The following RNGTT variants were observed in gnomAD, a reference collection of about 807,000 sequenced individuals.
RNGTT encodes the protein RNA guanylyltransferase and 5'-phosphatase, also known as mRNA-capping enzyme.
In RNGTT, 33 loss-of-function variants were observed where a neutral mutation model predicts 79.3. The ratio of observed to expected loss-of-function variants is 0.42; its 90% CI spans 0.32 to 0.56. RNGTT has a LOEUF of 0.56. RNGTT is among the 20% of genes least tolerant of loss of function. The pLI is 0.17. For missense variants in RNGTT, 497 were observed against 739.1 expected, an observed-to-expected ratio of 0.67 and a Z score of 3.80; for synonymous variants, 222 against 235.9, an observed-to-expected ratio of 0.94 and a Z score of 0.54.
chr6:88,674,669 A>G lies in RNGTT; in HGVS notation c.1506+3684T>C, dbSNP rs149585357. Among the ~76,000 whole-genome samples the G allele has an allele frequency of 2.0e-3, 311 of 152,312 alleles. 2 individuals are homozygous for G. Among genetic ancestry groups the G allele is most frequent in the African/African-American group, 7.3e-3 (304 of 41,548 alleles). On this transcript the variant is annotated intron_variant, in intron 14 of 15. Coordinates refer to ENST00000369485, the MANE Select transcript of RNGTT (RefSeq NM_003800.5). ...TTCAAAACATAAAAATATGTCATAT[A>G]AGCAGGTGGAAAGGAGTTTTAACTC...
intron 4 of RNGTT, among the ~76,000 whole-genome samples, chr6:88,926,033 T>G (rs561098006): frequency 9.8e-5 from 15 of 152,346 alleles, no homozygotes; most frequent in African/African-American, 3.6e-4. Context: ...AAAATACTCA[T>G]TTATGGATTC....
intron 1 of RNGTT, among the ~76,000 whole-genome samples, chr6:88,941,652 T>C (rs1362386409): frequency 6.6e-6 from 1 of 151,562 alleles, no homozygotes; most frequent in Non-Finnish European, 1.5e-5. Context: ...TTTTCAAAGA[T>C]ACTACCCTAC....
chr6:88,835,924 A>G (rs1353172326), intron 11 of RNGTT, among the ~76,000 whole-genome samples: 1 of 147,922 alleles, frequency 6.8e-6, no homozygotes, highest in Non-Finnish European at 1.5e-5. Context: ...GCTTGAGCCC[A>G]TGAGTTTGAG....
intron 14 of RNGTT, among the ~76,000 whole-genome samples, chr6:88,652,769 C>CA (rs1773844597): frequency 6.6e-6 from 1 of 152,100 alleles, no homozygotes; most frequent in African/African-American, 2.4e-5. Flanking sequence ...AGGTCTGGAG[C>CA]TTTCCTAAAT....
chr6:88,851,636 C>T (rs919319701), intron 9 of RNGTT, among the ~76,000 whole-genome samples: 3 of 151,936 alleles, frequency 2.0e-5, no homozygotes, highest in Non-Finnish European at 4.4e-5. Context: ...GGTCAAAGAA[C>T]ATAGTTAAGC....
chr6:88,768,161 T>C (rs1246228307), intron 13 of RNGTT, among the ~76,000 whole-genome samples: 7 of 151,728 alleles, frequency 4.6e-5, no homozygotes, highest in Admixed American at 1.3e-4. Context: ...TGTGTGTGTG[T>C]TTCTTTTTCT....
chr6:88,855,712 G>A (rs532355582), intron 8 of RNGTT, among the ~76,000 whole-genome samples: 12 of 152,234 alleles, frequency 7.9e-5, no homozygotes, highest in Admixed American at 5.9e-4. Context: ...TTCAGCCTCA[G>A]TCTGGACTGA....
chr6:88,925,385 G>A (rs1784286609), intron 4 of RNGTT, among the ~76,000 whole-genome samples: 1 of 151,962 alleles, frequency 6.6e-6, no homozygotes, highest in South Asian at 2.1e-4. Context: ...GAACCCAGGA[G>A]TTCAAGACCA....
intron 4 of RNGTT, among the ~76,000 whole-genome samples, chr6:88,920,117 G>GC (rs147671991): frequency 0.022 from 3,327 of 152,204 alleles, 121 homozygotes; most frequent in African/African-American, 0.076. Context: ...GCCAGACCTG[G>GC]TCTCTAAAAA....
chr6:88,661,686 A>T, intron 14 of RNGTT, among the ~76,000 whole-genome samples: 1 of 152,152 alleles, frequency 6.6e-6, no homozygotes. Flanking sequence ...AATAAAAAAA[A>T]TTGCCAACAA....
At chr6:88,914,932 CAAAT>C (rs1183674310) in intron 4 of RNGTT, among the ~76,000 whole-genome samples, 7 of 152,000 alleles carry the variant, frequency 4.6e-5, no homozygotes, top group African/African-American at 1.7e-4. Flanking sequence ...AAGCAAAAAA[CAAAT>C]AAACCCATTA....
At chr6:88,766,793 A>T (rs1778476276) in intron 13 of RNGTT, among the ~76,000 whole-genome samples, 1 of 152,098 alleles carries the variant, frequency 6.6e-6, no homozygotes, top group Non-Finnish European at 1.5e-5. Context: ...TATACCTTCA[A>T]GATATTCTAT....
chr6:88,843,711 G>A (rs1260259331), intron 11 of RNGTT, among the ~76,000 whole-genome samples: 6 of 150,722 alleles, frequency 4.0e-5, no homozygotes, highest in East Asian at 2.0e-4. Context: ...GACATGCGCC[G>A]CCACACCCGG....
intron 12 of RNGTT, among the ~76,000 whole-genome samples, chr6:88,771,313 GTGTATATATATATATA>G (rs1373885151): frequency 2.1e-5 from 1 of 47,710 alleles, no homozygotes; most frequent in African/African-American, 7.1e-5. Context: ...ATGTGTGTGT[GTGTATATATATATATA>G]TATATATATA....
rs549671149 is a variant in RNGTT, at chr6:88,610,563, C to G, written c.*2156G>C. 4.6e-5 allele frequency: 7 copies of G among 152,300 alleles called. 1 individual carries two copies. The South Asian group carries it at 1.5e-3, about 32-fold the overall frequency. 9.4% of individuals were successfully genotyped at this position (152,300 alleles called of 1,614,324 possible). A position where few individuals can be genotyped will look rare whatever the true frequency, so the allele number is the denominator to read the frequency against. ...AAAATCCTGCCTCTAGATTATCCCC[C>G]TGACCTTCTAAATGACTTTTATAAT... On this transcript the variant is annotated 3_prime_UTR_variant, in exon 16 of 16. Coordinates refer to ENST00000369485, the MANE Select transcript of RNGTT (RefSeq NM_003800.5).
At chr6:88,882,233 T>C (rs1782714445) in intron 8 of RNGTT, among the ~76,000 whole-genome samples, 1 of 152,220 alleles carries the variant, frequency 6.6e-6, no homozygotes, top group Non-Finnish European at 1.5e-5. Flanking sequence ...TCTCAGAAAA[T>C]AAATTTTATT....
intron 13 of RNGTT, among the ~76,000 whole-genome samples, chr6:88,723,839 C>T (rs1277238647): frequency 1.3e-5 from 2 of 152,060 alleles, no homozygotes; most frequent in Non-Finnish European, 2.9e-5. Context: ...ATTCTCCTGC[C>T]TCAGCCTCCC....
At position 88,963,606 on chromosome 6, in the gene RNGTT, G is replaced by A; in HGVS notation, c.-197C>T. On this transcript the variant is annotated 5_prime_UTR_variant, in exon 1 of 16. Coordinates refer to ENST00000369485, the MANE Select transcript of RNGTT (RefSeq NM_003800.5). The stretch of plus-strand genomic sequence containing the variant: ...CAGGATCAACTCCACAGCTCCAGGA[G>A]AACCCACAATGCACCGCAACTTCCG... 2.0e-6 allele frequency: 1 copy of A among 505,742 alleles called. No individual in the cohort carries two copies. Among genetic ancestry groups the A allele is most frequent in the Non-Finnish European group, 3.4e-6 (1 of 290,388 alleles). 31.3% of individuals were successfully genotyped at this position (505,742 alleles called of 1,614,324 possible).
chr6:88,921,750 C>T (rs1784171307), intron 4 of RNGTT, among the ~76,000 whole-genome samples: 1 of 151,424 alleles, frequency 6.6e-6, no homozygotes, highest in South Asian at 2.1e-4. Context: ...AGTAAATTGG[C>T]CTTCCTATAT....
Sources: gnomAD v4.1 joint callset for allele counts (sites outside exome capture counted in the v4.1 genomes callset) on GRCh38, gnomAD v4.1.1 for gene constraint, MANE v1.5 for transcripts, NCBI Gene and HGNC (gene_info 2026-07-23, HGNC 2026-07-21) for gene names.